LINGO2: variants seen among roughly 807,000 people sequenced by gnomAD.
LINGO2 encodes the protein leucine rich repeat and Ig domain containing 2.
In LINGO2, 14 loss-of-function variants were observed where a neutral mutation model predicts 30.6. That is an observed-to-expected ratio of 0.46 (90% confidence interval 0.30 to 0.72). LINGO2 has a LOEUF of 0.72. Among genes scored for constraint, LINGO2 ranks in the 30% least tolerant of loss-of-function variants. The probability of loss-of-function intolerance (pLI) is 0.07; values close to 1 mark genes in which losing one functional copy is unlikely to be tolerated. For synonymous variants in LINGO2, 317 were observed against 288.5 expected (o/e 1.10, Z -1.00); for missense variants, 729 against 751.7 (o/e 0.97, Z 0.35).
At chr9:27,941,721 T>TA in the LINGO2 span, 3 of 152,190 alleles carry the variant, frequency 2.0e-5, no homozygotes, top group Non-Finnish European at 4.4e-5. Context: ...GTACGAAAGG[T>TA]AAAGAGAGGG....
chr9:29,084,971 C>G, the LINGO2 span, among the ~76,000 whole-genome samples: 1 of 150,400 alleles, frequency 6.6e-6, no homozygotes, highest in Non-Finnish European at 1.5e-5. Flanking sequence ...ACAAGGTCAA[C>G]TACACATGTT....
intron 4 of LINGO2, among the ~76,000 whole-genome samples, chr9:28,294,719 G>C (rs1936153389): frequency 6.6e-6 from 1 of 152,136 alleles, no homozygotes; most frequent in Admixed American, 6.6e-5. Context: ...CAGGTGAATA[G>C]ATTTGGAATG....
At chr9:28,686,821 A>G in the LINGO2 span, among the ~76,000 whole-genome samples, 6 of 152,082 alleles carry the variant, frequency 3.9e-5, no homozygotes, top group Non-Finnish European at 4.4e-5. Context: ...ATAGATTGTA[A>G]TAATTTCTGG....
intron 2 of LINGO2, among the ~76,000 whole-genome samples, chr9:28,424,438 G>T (rs985472735): frequency 2.6e-5 from 4 of 152,042 alleles, no homozygotes; most frequent in Non-Finnish European, 5.9e-5. Flanking sequence ...ATGTGAGTGT[G>T]GTCGCTTGGA....
chr9:28,896,314 G>T, the LINGO2 span, among the ~76,000 whole-genome samples: 1 of 152,032 alleles, frequency 6.6e-6, no homozygotes, highest in Non-Finnish European at 1.5e-5. Flanking sequence ...TGAGTTATTT[G>T]GTAATTTGTA....
At chr9:28,828,532 T>G in the LINGO2 span, among the ~76,000 whole-genome samples, 1 of 145,136 alleles carries the variant, frequency 6.9e-6, no homozygotes, top group African/African-American at 2.5e-5. Context: ...TGCCTACATT[T>G]GTAGTTCAAG....
intron 5 of LINGO2, among the ~76,000 whole-genome samples, chr9:28,004,355 C>T (rs1009586392): frequency 6.6e-5 from 10 of 151,814 alleles, no homozygotes; most frequent in Admixed American, 2.0e-4. Flanking sequence ...GATTTTTATC[C>T]GATTCATTTT....
At chr9:28,001,579 G>A (rs998035631) in intron 5 of LINGO2, among the ~76,000 whole-genome samples, 5 of 152,240 alleles carry the variant, frequency 3.3e-5, no homozygotes, top group African/African-American at 1.2e-4. Flanking sequence ...AGATTTATTT[G>A]CCCAAGTCCA....
the LINGO2 span, among the ~76,000 whole-genome samples, chr9:29,081,744 C>A: frequency 6.6e-6 from 1 of 152,126 alleles, no homozygotes; most frequent in Admixed American, 6.6e-5. Flanking sequence ...TCTGAGGATA[C>A]AAAATCAATG....
At chr9:28,368,757 C>T (rs528499477) in intron 3 of LINGO2, among the ~76,000 whole-genome samples, 24 of 151,458 alleles carry the variant, frequency 1.6e-4, no homozygotes, top group Non-Finnish European at 3.1e-4. Context: ...CCACCACGCC[C>T]GGCTAATTTT....
chr9:28,683,669 GT>G, the LINGO2 span, among the ~76,000 whole-genome samples: 3 of 152,090 alleles, frequency 2.0e-5, no homozygotes, highest in Non-Finnish European at 4.4e-5. Context: ...AGAATGAAAT[GT>G]TTGCTTATAT....
chr9:28,477,246 T>C (rs781317577), intron 1 of LINGO2, among the ~76,000 whole-genome samples: 4 of 152,324 alleles, frequency 2.6e-5, no homozygotes, highest in Admixed American at 6.5e-5. Flanking sequence ...TTGTTTACAC[T>C]GTATCATGAA....
chr9:28,224,266 G>A (rs558184823), intron 4 of LINGO2, among the ~76,000 whole-genome samples: 9 of 152,174 alleles, frequency 5.9e-5, no homozygotes, highest in Non-Finnish European at 7.4e-5. Flanking sequence ...GGGTTTCACC[G>A]TGTTAGCCAG....
intron 5 of LINGO2, among the ~76,000 whole-genome samples, chr9:28,004,461 T>A (rs539077591): frequency 4.6e-5 from 7 of 152,276 alleles, no homozygotes; most frequent in African/African-American, 1.4e-4. Context: ...AATAATCAAT[T>A]ACTAGAAGAC....
intron 1 of LINGO2, among the ~76,000 whole-genome samples, chr9:28,600,610 T>G (rs1825419804): frequency 6.6e-6 from 1 of 152,096 alleles, no homozygotes; most frequent in African/African-American, 2.4e-5. Flanking sequence ...TCCTGAGGAA[T>G]GAAATTTTTA....
the LINGO2 span, among the ~76,000 whole-genome samples, chr9:28,793,047 A>G: frequency 5.3e-5 from 8 of 152,280 alleles, no homozygotes; most frequent in East Asian, 1.5e-3. Context: ...TGCCACACAC[A>G]CCATGAGTAT....
At chr9:29,183,046 C>T in the LINGO2 span, among the ~76,000 whole-genome samples, 1 of 152,070 alleles carries the variant, frequency 6.6e-6, no homozygotes, top group Non-Finnish European at 1.5e-5. Flanking sequence ...ATAAAACTAG[C>T]AAATGACAAA....
chr9:28,985,949 G>A, the LINGO2 span, among the ~76,000 whole-genome samples: 1 of 151,832 alleles, frequency 6.6e-6, no homozygotes, highest in Non-Finnish European at 1.5e-5. Context: ...GACCAATGTT[G>A]TGTTTCTCCT....
chr9:28,970,082 G>C, the LINGO2 span, among the ~76,000 whole-genome samples: 2 of 152,038 alleles, frequency 1.3e-5, no homozygotes, highest in Admixed American at 6.6e-5. Flanking sequence ...GGATAGGAAG[G>C]GGAAGAAAGG....
Sources: gnomAD v4.1 joint callset for allele counts (sites outside exome capture counted in the v4.1 genomes callset) on GRCh38, gnomAD v4.1.1 for gene constraint, MANE v1.5 for transcripts, NCBI Gene and HGNC (gene_info 2026-07-23, HGNC 2026-07-21) for gene names.